TENM2: variants seen among roughly 807,000 people sequenced by gnomAD.
TENM2 encodes teneurin transmembrane protein 2.
A neutral mutation model predicts 245.2 loss-of-function variants in TENM2; 52 were observed. That is an observed-to-expected ratio of 0.21 (90% CI 0.17 to 0.27). TENM2 has a LOEUF of 0.27. TENM2 is among the 10% of genes least tolerant of loss of function. The pLI is 1.00. For missense variants in TENM2, 3,046 were observed against 3,666.8 expected (o/e 0.83, Z 4.37); for synonymous variants, 1,363 against 1,438.9 (o/e 0.95, Z 1.19).
chr5:167,515,369 A>G (rs13181260), intron 2 of TENM2, among the ~76,000 whole-genome samples: 75,681 of 151,656 alleles, frequency 0.5, 20,683 homozygotes, highest in South Asian at 0.65. Flanking sequence ...TTATATTTAT[A>G]TGACAAAGAA....
intron 12 of TENM2, among the ~76,000 whole-genome samples, chr5:168,147,378 G>T (rs757245450): frequency 6.6e-6 from 1 of 152,128 alleles, no homozygotes; most frequent in Non-Finnish European, 1.5e-5. Context: ...AGCATATTTT[G>T]CACGGACGTT....
intron 25 of TENM2, among the ~76,000 whole-genome samples, chr5:168,234,556 C>T (rs1324352663): frequency 6.6e-6 from 1 of 152,124 alleles, no homozygotes; most frequent in Non-Finnish European, 1.5e-5. Context: ...AGGCGAAACT[C>T]CTGGCCCTGA....
intron 2 of TENM2, among the ~76,000 whole-genome samples, chr5:167,414,691 C>T (rs1236630799): frequency 2.0e-5 from 3 of 151,998 alleles, no homozygotes; most frequent in Non-Finnish European, 2.9e-5. Context: ...TGTGAAGTCT[C>T]CTGATTTTAA....
intron 13 of TENM2, among the ~76,000 whole-genome samples, chr5:168,179,242 A>G (rs1759643581): frequency 6.6e-6 from 1 of 152,072 alleles, no homozygotes; most frequent in Non-Finnish European, 1.5e-5. Flanking sequence ...CAAGGCCCTT[A>G]AGCTCTATGA....
At chr5:167,981,239 C>T (rs1782813608) in intron 4 of TENM2, among the ~76,000 whole-genome samples, 1 of 152,190 alleles carries the variant, frequency 6.6e-6, no homozygotes, top group Non-Finnish European at 1.5e-5. Flanking sequence ...CTGCTTCATT[C>T]ACTTCCTCAC....
chr5:167,219,139 T>C, the TENM2 span, among the ~76,000 whole-genome samples: 1 of 152,292 alleles, frequency 6.6e-6, no homozygotes, highest in Admixed American at 6.5e-5. Flanking sequence ...CAGCCAATAG[T>C]AAACTGTTGG....
chr5:167,454,577 GTGTGCACATGCA>G (rs1367960071), intron 2 of TENM2, among the ~76,000 whole-genome samples: 1 of 151,920 alleles, frequency 6.6e-6, no homozygotes, highest in Non-Finnish European at 1.5e-5. Context: ...TTGTGTGTAT[GTGTGCACATGCA>G]TGTGTATGTG....
intron 7 of TENM2, among the ~76,000 whole-genome samples, chr5:168,063,825 A>G (rs1041884569): frequency 6.6e-5 from 10 of 152,278 alleles, no homozygotes; most frequent in African/African-American, 2.4e-4. Flanking sequence ...TTTACAGCCT[A>G]AAATGATCAA....
At chr5:167,698,765 G>A (rs997682068) in intron 2 of TENM2, among the ~76,000 whole-genome samples, 1 of 141,816 alleles carries the variant, frequency 7.1e-6, no homozygotes, top group Non-Finnish European at 1.5e-5. Context: ...CTCACTGCCA[G>A]CTCCTCCTCC....
At chr5:168,104,993 G>A (rs894810405) in intron 9 of TENM2, among the ~76,000 whole-genome samples, 3 of 152,176 alleles carry the variant, frequency 2.0e-5, no homozygotes, top group African/African-American at 7.2e-5. Context: ...GGTCTGACCA[G>A]TTTGTATTAA....
rs142911440 is a variant in TENM2, at chr5:167,967,820, A to G, written c.947+14998A>G. ...CATCTCTGTCTGTGCTCTTTCACCC[A>G]TTCAACTAATATCAACTGTCATTCC... On this transcript the variant is annotated intron_variant, in intron 4 of 28. Transcript: ENST00000518659. 4.1e-4 allele frequency among the ~76,000 whole-genome samples: 63 copies of G among 152,328 alleles called. 1 individual carries two copies. In the East Asian group the frequency reaches 0.012, roughly 28 times the overall value.
At chr5:167,152,203 T>G in the TENM2 span, among the ~76,000 whole-genome samples, 1 of 152,212 alleles carries the variant, frequency 6.6e-6, no homozygotes, top group African/African-American at 2.4e-5. Flanking sequence ...CAAGGAAACT[T>G]ACATGGTATG....
At chr5:167,188,520 A>G in the TENM2 span, among the ~76,000 whole-genome samples, 1 of 152,072 alleles carries the variant, frequency 6.6e-6, no homozygotes, top group Non-Finnish European at 1.5e-5. Flanking sequence ...CACTCAGTAT[A>G]AAAGGGAAAG....
chr5:167,156,781 T>G, the TENM2 span, among the ~76,000 whole-genome samples: 1 of 152,180 alleles, frequency 6.6e-6, no homozygotes, highest in East Asian at 1.9e-4. Context: ...TTTCCCAGAA[T>G]AAAATGACAA....
At chr5:168,055,893 T>TC (rs1219869216) in intron 6 of TENM2, among the ~76,000 whole-genome samples, 11 of 152,190 alleles carry the variant, frequency 7.2e-5, no homozygotes, top group Admixed American at 2.6e-4. Context: ...GCTGACTAGC[T>TC]CCACTGGGCA....
At chr5:167,528,137 T>C (rs900690540) in intron 2 of TENM2, among the ~76,000 whole-genome samples, 1 of 152,206 alleles carries the variant, frequency 6.6e-6, no homozygotes, top group Non-Finnish European at 1.5e-5. Flanking sequence ...AGTGAAAGCC[T>C]GACGATTTGG....
chr5:167,597,784 C>T (rs1776324225), intron 2 of TENM2, among the ~76,000 whole-genome samples: 1 of 152,128 alleles, frequency 6.6e-6, no homozygotes, highest in South Asian at 2.1e-4. Context: ...TCATAGTATT[C>T]TGTACAAATC....
At chr5:167,625,472 TA>T in intron 2 of TENM2, among the ~76,000 whole-genome samples, 2 of 152,328 alleles carry the variant, frequency 1.3e-5, no homozygotes, top group Middle Eastern at 6.8e-3. Context: ...GGACTTTATT[TA>T]AAACAATGCT....
chr5:167,476,701 C>A (rs1283449275), intron 2 of TENM2, among the ~76,000 whole-genome samples: 1 of 152,146 alleles, frequency 6.6e-6, no homozygotes, highest in East Asian at 1.9e-4. Context: ...TGGATTCAAG[C>A]AATTCTCCTG....
Sources: allele counts gnomAD v4.1 joint callset (sites outside exome capture counted in the v4.1 genomes callset), GRCh38; gene constraint gnomAD v4.1.1; transcripts MANE v1.5; gene names NCBI Gene and HGNC (gene_info 2026-07-23, HGNC 2026-07-21).